FHIT: variants seen among roughly 807,000 people sequenced by gnomAD.
FHIT encodes the protein fragile histidine triad diadenosine triphosphatase.
A neutral mutation model predicts 17.9 loss-of-function variants in FHIT; 19 were observed. The observed-to-expected ratio is 1.06, with a 90% CI of 0.74 to 1.56. The LOEUF is 1.56. Among genes scored for constraint, FHIT ranks in the 40% most tolerant of loss-of-function variants. FHIT has a pLI of 0.00. For missense variants in FHIT, 248 were observed against 189.2 expected (o/e 1.31, Z -1.82); for synonymous variants, 81 against 69.7 (o/e 1.16, Z -0.81).
chr3:60,088,029 T>A (rs939282218), intron 5 of FHIT, among the ~76,000 whole-genome samples: 6 of 152,178 alleles, frequency 3.9e-5, no homozygotes, highest in Admixed American at 1.3e-4. Flanking sequence ...CTGCATCTGC[T>A]GAGGGCCCCT....
intron 7 of FHIT, among the ~76,000 whole-genome samples, chr3:59,972,845 C>A (rs931393933): frequency 1.3e-5 from 2 of 152,060 alleles, no homozygotes; most frequent in Admixed American, 1.3e-4. Context: ...AGAAGCAAAC[C>A]AGTATTTGCT....
chr3:60,081,073 T>A (rs1052003769), intron 5 of FHIT, among the ~76,000 whole-genome samples: 1 of 151,742 alleles, frequency 6.6e-6, no homozygotes, highest in Non-Finnish European at 1.5e-5. Context: ...GAGAGAGAAA[T>A]AGACAGGGAG....
At chr3:60,884,689 T>G (rs1705130982) in intron 3 of FHIT, among the ~76,000 whole-genome samples, 1 of 151,648 alleles carries the variant, frequency 6.6e-6, no homozygotes, top group South Asian at 2.1e-4. Context: ...ATCCCAGCAA[T>G]TTGGGAGGCT....
At chr3:60,668,167 G>A (rs187482778) in intron 4 of FHIT, among the ~76,000 whole-genome samples, 13 of 151,864 alleles carry the variant, frequency 8.6e-5, no homozygotes, top group African/African-American at 3.1e-4. Flanking sequence ...TTCCCTGACA[G>A]TATTATTTGC....
intron 4 of FHIT, among the ~76,000 whole-genome samples, chr3:60,703,916 T>C (rs1428496461): frequency 1.3e-5 from 2 of 152,150 alleles, no homozygotes; most frequent in Admixed American, 1.3e-4. Context: ...GGGAATAATA[T>C]AATACTGAAT....
chr3:60,926,124 A>G (rs1282028268), intron 3 of FHIT, among the ~76,000 whole-genome samples: 8 of 152,160 alleles, frequency 5.3e-5, no homozygotes, highest in African/African-American at 1.9e-4. Flanking sequence ...TTAACAATCC[A>G]CTGTCAACAT....
intron 5 of FHIT, among the ~76,000 whole-genome samples, chr3:60,349,317 T>A (rs1252407565): frequency 6.6e-6 from 1 of 152,106 alleles, no homozygotes; most frequent in African/African-American, 2.4e-5. Context: ...CTGAGAAGAT[T>A]CCATGATTTC....
intron 5 of FHIT, among the ~76,000 whole-genome samples, chr3:60,371,387 T>A (rs975399245): frequency 1.3e-5 from 2 of 151,338 alleles, no homozygotes; most frequent in African/African-American, 4.9e-5. Flanking sequence ...AGAGATGGGG[T>A]CTGGGCTGGA....
intron 5 of FHIT, among the ~76,000 whole-genome samples, chr3:60,324,517 G>C (rs968392074): frequency 5.4e-5 from 8 of 146,928 alleles, no homozygotes; most frequent in African/African-American, 1.5e-4. Context: ...CCCAGGAGGC[G>C]GAGCTTGCAG....
chr3:60,421,637 A>G (rs1702471097), intron 5 of FHIT, among the ~76,000 whole-genome samples: 1 of 152,142 alleles, frequency 6.6e-6, no homozygotes, highest in Admixed American at 6.5e-5. Context: ...GATATTTATT[A>G]CATAAAGCAT....
At chr3:59,775,257 C>A (rs1345977718) in intron 8 of FHIT, among the ~76,000 whole-genome samples, 4 of 152,178 alleles carry the variant, frequency 2.6e-5, no homozygotes, top group African/African-American at 9.7e-5. Context: ...TGCCCTTTCT[C>A]CTACCAGGTT....
chr3:59,811,445 T>G (rs1050114598), intron 8 of FHIT, among the ~76,000 whole-genome samples: 1 of 152,180 alleles, frequency 6.6e-6, no homozygotes, highest in South Asian at 2.1e-4. Context: ...AATCAAGAAA[T>G]CAAATCTATA....
At chr3:59,897,605 C>G (rs1444249349) in intron 8 of FHIT, among the ~76,000 whole-genome samples, 2 of 152,072 alleles carry the variant, frequency 1.3e-5, no homozygotes, top group Non-Finnish European at 2.9e-5. Context: ...AATAATGAAG[C>G]CATCTTTAGA....
chr3:61,227,348 T>C (rs949027273), intron 1 of FHIT, among the ~76,000 whole-genome samples: 1 of 152,200 alleles, frequency 6.6e-6, no homozygotes, highest in African/African-American at 2.4e-5. Context: ...TCTTGCCACA[T>C]AAGGGCAAAA....
intron 3 of FHIT, among the ~76,000 whole-genome samples, chr3:61,035,825 CTAGT>C (rs2033210974): frequency 6.6e-6 from 1 of 152,136 alleles, no homozygotes; most frequent in South Asian, 2.1e-4. Flanking sequence ...TGCTTTTACT[CTAGT>C]TAGTCCCTCC....
chr3:61,250,540 C>T (rs763169142), intron 1 of FHIT, among the ~76,000 whole-genome samples: 2 of 152,150 alleles, frequency 1.3e-5, no homozygotes, highest in Non-Finnish European at 2.9e-5. Context: ...CCTTGTTTCC[C>T]AGATAAGCGC....
At chr3:60,459,600 C>T (rs1458883440) in intron 5 of FHIT, among the ~76,000 whole-genome samples, 6 of 152,176 alleles carry the variant, frequency 3.9e-5, no homozygotes, top group Admixed American at 2.6e-4. Context: ...TGCTTTTTAA[C>T]CAGATTCTAG....
chr3:59,874,472 G>A (rs1703062950), intron 8 of FHIT, among the ~76,000 whole-genome samples: 2 of 152,116 alleles, frequency 1.3e-5, no homozygotes, highest in South Asian at 4.1e-4. Context: ...GTAGGTCTAG[G>A]GTGAGGCACA....
intron 8 of FHIT, among the ~76,000 whole-genome samples, chr3:59,832,157 C>CT (rs1342229252): frequency 1.3e-5 from 2 of 152,176 alleles, no homozygotes; most frequent in Admixed American, 1.3e-4. Flanking sequence ...TGGATTGTAC[C>CT]TTAAGTGGTT....
Sources: gnomAD v4.1 joint callset for allele counts (sites outside exome capture counted in the v4.1 genomes callset) on GRCh38, gnomAD v4.1.1 for gene constraint, MANE v1.5 for transcripts, NCBI Gene and HGNC (gene_info 2026-07-23, HGNC 2026-07-21) for gene names.